COMMD1: variants seen among roughly 807,000 people sequenced by gnomAD.
COMMD1 encodes the protein COMM domain-containing protein 1.
A neutral mutation model predicts 17.2 loss-of-function variants in COMMD1; 10 were observed. That is an observed-to-expected ratio of 0.58 (90% CI 0.36 to 0.99). The LOEUF (loss-of-function observed/expected upper bound fraction) is 0.99, where lower values mean the gene tolerates loss of function less well. COMMD1 is among the 50% of genes least tolerant of loss of function. COMMD1 has a pLI of 0.01. For missense variants in COMMD1, 270 were observed against 231.8 expected (o/e 1.17, Z -1.07); for synonymous variants, 97 against 91.6 (o/e 1.06, Z -0.34).
chr2:62,010,533 T>C (rs926399849), intron 2 of COMMD1, among the ~76,000 whole-genome samples: 3 of 152,236 alleles, frequency 2.0e-5, no homozygotes, highest in Non-Finnish European at 2.9e-5. Context: ...ATTTATGACA[T>C]ACTGGAGATC....
intron 2 of COMMD1, among the ~76,000 whole-genome samples, chr2:62,025,780 C>G (rs1191554565): frequency 6.6e-6 from 1 of 152,128 alleles, no homozygotes; most frequent in African/African-American, 2.4e-5. Context: ...CCTCCACCTC[C>G]AGGGTTCAAG....
At chr2:61,988,264 A>G (rs942189457) in intron 1 of COMMD1, among the ~76,000 whole-genome samples, 1 of 152,090 alleles carries the variant, frequency 6.6e-6, no homozygotes, top group Non-Finnish European at 1.5e-5. Context: ...GGAATGTGGT[A>G]GGTCACACCT....
chr2:61,916,614 A>G (rs1437082676), intron 1 of COMMD1, among the ~76,000 whole-genome samples: 3 of 151,474 alleles, frequency 2.0e-5, no homozygotes, highest in Non-Finnish European at 4.4e-5. Context: ...TTTTTTAGCG[A>G]CAGGGTCTCC....
intron 1 of COMMD1, among the ~76,000 whole-genome samples, chr2:61,913,995 C>T (rs946516468): frequency 2.6e-5 from 4 of 151,752 alleles, no homozygotes; most frequent in African/African-American, 9.7e-5. Flanking sequence ...CATGGGGAAA[C>T]CCCGTCTGTA....
At chr2:62,076,972 A>G (rs1373285033) in intron 2 of COMMD1, among the ~76,000 whole-genome samples, 2 of 152,066 alleles carry the variant, frequency 1.3e-5, no homozygotes, top group Admixed American at 1.3e-4. Flanking sequence ...TCTCCATAAA[A>G]AATAAAAAAT....
At chr2:62,042,426 A>C (rs1670244349) in intron 2 of COMMD1, among the ~76,000 whole-genome samples, 1 of 151,878 alleles carries the variant, frequency 6.6e-6, no homozygotes, top group Admixed American at 6.6e-5. Context: ...TCTCAATGGC[A>C]CTCTCCGGGG....
intron 2 of COMMD1, chr2:62,001,186 A>G (rs1012049453): frequency 1.6e-5 from 9 of 576,472 alleles, no homozygotes; most frequent in Non-Finnish European, 2.8e-5. Context: ...GGGTCCTGGC[A>G]GCTGTCTCAG....
intron 2 of COMMD1, among the ~76,000 whole-genome samples, chr2:62,049,419 T>A (rs13416970): frequency 2.6e-5 from 4 of 152,120 alleles, no homozygotes; most frequent in Non-Finnish European, 4.4e-5. Context: ...GGAGGGATTG[T>A]CCCCCAGGGG....
chr2:61,910,028 T>G (rs1669864290), intron 1 of COMMD1, among the ~76,000 whole-genome samples: 1 of 152,182 alleles, frequency 6.6e-6, no homozygotes, highest in Non-Finnish European at 1.5e-5. Context: ...ACATTGACCC[T>G]CTCTAGCTTT....
intron 1 of COMMD1, among the ~76,000 whole-genome samples, chr2:61,949,226 G>T (rs1670989242): frequency 6.6e-6 from 1 of 152,160 alleles, no homozygotes; most frequent in African/African-American, 2.4e-5. Context: ...ATAGTCAGCA[G>T]GGTTTTGACA....
intron 1 of COMMD1, among the ~76,000 whole-genome samples, chr2:61,999,353 T>G (rs1668856394): frequency 6.6e-6 from 1 of 152,156 alleles, no homozygotes; most frequent in Non-Finnish European, 1.5e-5. Context: ...TTTTGAAAAT[T>G]TATGGGAAAG....
At chr2:61,987,047 TTTG>T (rs1672124930) in intron 1 of COMMD1, among the ~76,000 whole-genome samples, 2 of 152,182 alleles carry the variant, frequency 1.3e-5, no homozygotes, top group South Asian at 4.1e-4. Flanking sequence ...TTATTTCCAT[TTTG>T]TTGTTAAATT....
chr2:61,976,198 T>TA (rs200120465), intron 1 of COMMD1, among the ~76,000 whole-genome samples: 20,770 of 122,764 alleles, frequency 0.17, 1,589 homozygotes, highest in East Asian at 0.25. Flanking sequence ...ATAGAGTAAC[T>TA]AAAAAAAAAA....
rs553318519 is a variant in COMMD1 at position 61,948,640 on chromosome 2, C to T, written c.180+42782C>T. On this transcript the variant is annotated intron_variant, in intron 1 of 2. Coordinates refer to ENST00000311832, the MANE Select transcript of COMMD1 (RefSeq NM_152516.4). ...TAAGAGTCTGTTCTTGTCTTTGCCT[C>T]ACTTTATTTTTTTATCTGAAATATT... 5.9e-5 allele frequency among the ~76,000 whole-genome samples: 9 copies of T among 152,280 alleles called. No homozygotes were observed. In the East Asian group the frequency reaches 1.5e-3, roughly 26 times the overall value.
chr2:61,986,241 T>C (rs765215627), intron 1 of COMMD1, among the ~76,000 whole-genome samples: 8 of 152,146 alleles, frequency 5.3e-5, no homozygotes, highest in Non-Finnish European at 1.2e-4. Flanking sequence ...AAAAGCCTGC[T>C]GCCAGATGAA....
chr2:62,055,290 A>G (rs1007609149), intron 2 of COMMD1: 7 of 388,934 alleles, frequency 1.8e-5, no homozygotes, highest in Non-Finnish European at 3.5e-5. Flanking sequence ...TTAGCCCACA[A>G]GCTAACCCTA....
At chr2:61,947,542 G>T (rs1439610662) in intron 1 of COMMD1, among the ~76,000 whole-genome samples, 1 of 151,980 alleles carries the variant, frequency 6.6e-6, no homozygotes, top group African/African-American at 2.4e-5. Flanking sequence ...AATTAGCCTG[G>T]TGTGGTGGCG....
chr2:61,984,225 A>C (rs6545918), intron 1 of COMMD1, among the ~76,000 whole-genome samples: 149,814 of 152,306 alleles, frequency 0.98, 73,694 homozygotes, highest in East Asian at 1. Flanking sequence ...GGGGTTTCTC[A>C]GTGTTGGCCA....
chr2:61,969,955 C>G (rs927837622), intron 1 of COMMD1, among the ~76,000 whole-genome samples: 7 of 151,756 alleles, frequency 4.6e-5, no homozygotes, highest in African/African-American at 1.5e-4. Flanking sequence ...TATTTCCAAG[C>G]AGAATGAGAA....
Sources: gnomAD v4.1 joint callset for allele counts (sites outside exome capture counted in the v4.1 genomes callset) on GRCh38, gnomAD v4.1.1 for gene constraint, MANE v1.5 for transcripts, NCBI Gene and HGNC (gene_info 2026-07-23, HGNC 2026-07-21) for gene names.